ABL2: variants seen among roughly 807,000 people sequenced by gnomAD.
The protein encoded by ABL2 is tyrosine-protein kinase ABL2.
ABL2 carries 49 observed loss-of-function variants against 107.7 expected under a neutral mutation model. The observed-to-expected ratio is 0.45, with a 90% confidence interval of 0.36 to 0.58. The LOEUF is 0.58. ABL2 is among the 20% of genes least tolerant of loss of function. ABL2 has a pLI of 0.00. For synonymous variants in ABL2, 549 were observed against 548.6 expected (o/e 1.00, Z -0.01); for missense variants, 1,245 against 1,457.0 (o/e 0.85, Z 2.37).
At chr1:179,128,606 T>C (rs919859975) in intron 3 of ABL2, among the ~76,000 whole-genome samples, 8 of 152,222 alleles carry the variant, frequency 5.3e-5, no homozygotes, top group African/African-American at 1.9e-4. Context: ...CCTGGAAGTT[T>C]TGACTACCAT....
At chr1:179,199,322 T>C (rs1476518787) in intron 1 of ABL2, among the ~76,000 whole-genome samples, 1 of 152,210 alleles carries the variant, frequency 6.6e-6, no homozygotes, top group Non-Finnish European at 1.5e-5. Flanking sequence ...ATTTATGATA[T>C]TCCTAGTTCT....
At position 179,139,356 on chromosome 1, in the gene ABL2, G is replaced by A. The variant is rs140939218; in HGVS notation, c.158-5982C>T. 2.0e-4 allele frequency among the ~76,000 whole-genome samples: 30 copies of A among 151,988 alleles called. No individual in the cohort carries two copies. The East Asian group carries it at 3.7e-3, about 19-fold the overall frequency. Reference sequence around the variant, plus strand: ...CAAAGGTCTGCAGCTTCACTCCTGAGCCAGCGAGACCACGAACTCACCAGA... The same window carrying A: ...CAAAGGTCTGCAGCTTCACTCCTGAACCAGCGAGACCACGAACTCACCAGA... On this transcript the variant is annotated intron_variant, in intron 1 of 11. Transcript: ENST00000502732.
chr1:179,188,301 G>GGAA (rs1484717480), intron 1 of ABL2, among the ~76,000 whole-genome samples: 2 of 152,136 alleles, frequency 1.3e-5, no homozygotes, highest in Non-Finnish European at 2.9e-5. Context: ...CAGCACTGTG[G>GGAA]GAAGCCAAGC....
intron 1 of ABL2, among the ~76,000 whole-genome samples, chr1:179,148,899 TGAAAAAAAAAAAAAG>T (rs1252366306): frequency 3.5e-5 from 4 of 114,692 alleles, no homozygotes; most frequent in African/African-American, 6.3e-5. Context: ...GACTCCGTCT[TGAAAAAAAAAAAAAG>T]GAAAAAAAAA....
intron 10 of ABL2, among the ~76,000 whole-genome samples, chr1:179,111,723 TTAACCTTTAACTACTTTCCATGTC>T (rs776403147): frequency 3.9e-5 from 6 of 152,184 alleles, no homozygotes; most frequent in Non-Finnish European, 7.3e-5. Flanking sequence ...TAAGTTAAAG[TTAACCTTTAACTACTTTCCATGTC>T]AATATATCCA....
At chr1:179,132,437 A>G (rs1656429411) in intron 2 of ABL2, among the ~76,000 whole-genome samples, 1 of 152,224 alleles carries the variant, frequency 6.6e-6, no homozygotes, top group Non-Finnish European at 1.5e-5. Context: ...GACTATTTTT[A>G]GTGCCTGTCT....
At chr1:179,150,916 C>T (rs767304710) in intron 1 of ABL2, among the ~76,000 whole-genome samples, 2 of 152,220 alleles carry the variant, frequency 1.3e-5, no homozygotes, top group Admixed American at 6.5e-5. Context: ...CAGCAGCCAT[C>T]AATGTTGGGG....
intron 1 of ABL2, chr1:179,143,224 G>C: frequency 2.5e-6 from 2 of 791,412 alleles, no homozygotes; most frequent in Non-Finnish European, 3.6e-6. Context: ...GTGACCTAAA[G>C]GAAAATTTCC....
intron 1 of ABL2, among the ~76,000 whole-genome samples, chr1:179,195,450 A>G (rs1355291208): frequency 1.3e-5 from 2 of 152,226 alleles, no homozygotes; most frequent in Non-Finnish European, 2.9e-5. Flanking sequence ...TGGTAAAGCC[A>G]CTATGGAAGA....
chr1:179,193,254 T>C (rs1661119171), intron 1 of ABL2, among the ~76,000 whole-genome samples: 1 of 152,180 alleles, frequency 6.6e-6, no homozygotes, highest in African/African-American at 2.4e-5. Context: ...CCAGAAAAAG[T>C]GGCCAATGAA....
In ABL2 at chr1:179,109,339, C is replaced by T; in HGVS notation, c.1928G>A (p.Cys643Tyr). ...GCCCCCCTTCCTATCCCTGGTGAAGCATGTCTCTTTGGCATCTTCCAAGAG... is the reference window on the plus strand; with the variant it reads ...GCCCCCCTTCCTATCCCTGGTGAAGTATGTCTCTTTGGCATCTTCCAAGAG... ...SSLLEDAKET[C>Y]FTRDRKGGFF... The change falls in exon 12 of 12, where the codon TGC becomes TAC. Residue 643 changes from cysteine to tyrosine, a missense_variant. Physicochemically the swap from Cys to Tyr is radical, Grantham distance 194 (BLOSUM62 -2). Coordinates refer to ENST00000502732, the MANE Select transcript of ABL2 (RefSeq NM_007314.4). The T allele has an allele frequency of 6.2e-7, 1 of 1,614,126 alleles. No homozygotes were observed. The highest frequency in any genetic ancestry group is 1.6e-4 in the Middle Eastern group (1 of 6,062).
chr1:179,135,811 T>C (rs1199321022), intron 1 of ABL2, among the ~76,000 whole-genome samples: 9 of 100,408 alleles, frequency 9.0e-5, no homozygotes, highest in African/African-American at 1.2e-4. Flanking sequence ...AGCCGCCCCG[T>C]CCGGGAGGGA....
At chr1:179,141,040 C>CG (rs1557949254) in intron 1 of ABL2, among the ~76,000 whole-genome samples, 2 of 148,798 alleles carry the variant, frequency 1.3e-5, no homozygotes, top group African/African-American at 5.0e-5. Context: ...TGCTTGAACC[C>CG]GGGAGGCAGA....
chr1:179,169,686 T>C (rs1044206261), intron 1 of ABL2, among the ~76,000 whole-genome samples: 1 of 152,204 alleles, frequency 6.6e-6, no homozygotes, highest in Non-Finnish European at 1.5e-5. Flanking sequence ...TCCAACTCTA[T>C]AGAAAAGCCT....
intron 1 of ABL2, among the ~76,000 whole-genome samples, chr1:179,139,672 G>A (rs1265206194): frequency 6.6e-6 from 1 of 152,110 alleles, no homozygotes; most frequent in East Asian, 1.9e-4. Flanking sequence ...CAACCCCTGG[G>A]CCACAGACAG....
intron 1 of ABL2, among the ~76,000 whole-genome samples, chr1:179,190,062 C>T (rs557372785): frequency 1.3e-5 from 2 of 152,150 alleles, no homozygotes; most frequent in South Asian, 4.1e-4. Context: ...GGTGATCTGC[C>T]CACCTCGGCC....
At chr1:179,129,421 C>T (rs76072391) in intron 3 of ABL2, among the ~76,000 whole-genome samples, 5 of 152,196 alleles carry the variant, frequency 3.3e-5, no homozygotes, top group Admixed American at 6.5e-5. Flanking sequence ...TGGTGGCTCA[C>T]GCCTGTAACC....
intron 1 of ABL2, among the ~76,000 whole-genome samples, chr1:179,142,659 A>T (rs757051984): frequency 1.1e-4 from 16 of 152,204 alleles, no homozygotes; most frequent in Non-Finnish European, 2.1e-4. Context: ...TGTAAGGTAA[A>T]TTATTCAACA....
At chr1:179,188,059 A>G (rs1660774856) in intron 1 of ABL2, among the ~76,000 whole-genome samples, 1 of 152,188 alleles carries the variant, frequency 6.6e-6, no homozygotes, top group African/African-American at 2.4e-5. Flanking sequence ...CTTCTTCTCC[A>G]GCCAGTCTAG....
Sources: allele counts gnomAD v4.1 joint callset (sites outside exome capture counted in the v4.1 genomes callset), GRCh38; gene constraint gnomAD v4.1.1; transcripts MANE v1.5; gene names NCBI Gene and HGNC (gene_info 2026-07-23, HGNC 2026-07-21).